Variants in JAK1 observed in about 807,000 individuals in gnomAD.
The protein encoded by JAK1 is tyrosine-protein kinase JAK1.
In JAK1, 16 loss-of-function variants were observed where a neutral mutation model predicts 136.6. That is an observed-to-expected ratio of 0.12 (90% confidence interval 0.08 to 0.18). JAK1 has a LOEUF of 0.18. Ranked by LOEUF, JAK1 falls within the 10% of genes least tolerant of loss-of-function variation. The pLI is 1.00. For synonymous variants in JAK1, 492 were observed against 519.5 expected (o/e 0.95, Z 0.72); for missense variants, 859 against 1,450.1 (o/e 0.59, Z 6.62).
intron 2 of JAK1, among the ~76,000 whole-genome samples, chr1:65,019,381 A>G (rs1003428501): frequency 6.6e-6 from 1 of 152,148 alleles, no homozygotes; most frequent in Non-Finnish European, 1.5e-5. Flanking sequence ...AGGAATACAA[A>G]ATTGGTTTAA....
At chr1:64,953,458 A>G (rs1405169010) in intron 1 of JAK1, among the ~76,000 whole-genome samples, 2 of 152,184 alleles carry the variant, frequency 1.3e-5, no homozygotes, top group Non-Finnish European at 2.9e-5. Context: ...CACATCTGGT[A>G]CGCTCAGACC....
intron 17 of JAK1, among the ~76,000 whole-genome samples, chr1:64,843,772 A>C (rs1655054200): frequency 6.6e-6 from 1 of 152,170 alleles, no homozygotes; most frequent in Non-Finnish European, 1.5e-5. Flanking sequence ...CAGATAAATA[A>C]TACTATAACA....
intron 8 of JAK1, among the ~76,000 whole-genome samples, chr1:64,861,702 G>C (rs1363624817): frequency 6.6e-6 from 1 of 152,226 alleles, no homozygotes; most frequent in Non-Finnish European, 1.5e-5. Flanking sequence ...CTCGGCAGGA[G>C]GGAGGTCAGG....
chr1:64,836,642 C>T (rs1263401543), intron 22 of JAK1, among the ~76,000 whole-genome samples: 1 of 152,056 alleles, frequency 6.6e-6, no homozygotes, highest in Non-Finnish European at 1.5e-5. Flanking sequence ...ACCCACTTGC[C>T]CAAGCCAAAA....
intron 2 of JAK1, among the ~76,000 whole-genome samples, chr1:64,989,223 G>T (rs1419029089): frequency 1.3e-5 from 2 of 150,014 alleles, no homozygotes; most frequent in Non-Finnish European, 3.0e-5. Flanking sequence ...TACTCCGGAG[G>T]CTGAGGCAGG....
chr1:65,006,219 T>C (rs1005530914), intron 2 of JAK1, among the ~76,000 whole-genome samples: 3 of 152,232 alleles, frequency 2.0e-5, no homozygotes, highest in Non-Finnish European at 4.4e-5. Flanking sequence ...TTTTGAATAG[T>C]TCACTATGTC....
upstream of JAK1, among the ~76,000 whole-genome samples, chr1:64,970,472 G>A (rs1287726016): frequency 6.6e-6 from 1 of 150,928 alleles, no homozygotes; most frequent in Non-Finnish European, 1.5e-5. Context: ...AAAGGGCCGG[G>A]TGCAGTGGTT....
chr1:64,977,081 C>G (rs1051114742), intron 2 of JAK1, among the ~76,000 whole-genome samples: 41 of 152,190 alleles, frequency 2.7e-4, no homozygotes, highest in African/African-American at 8.7e-4. Flanking sequence ...ATACAGGATA[C>G]AGATACATAG....
chr1:64,852,407 T>TC (rs1196148573), intron 11 of JAK1, among the ~76,000 whole-genome samples: 1 of 152,126 alleles, frequency 6.6e-6, no homozygotes, highest in African/African-American at 2.4e-5. Context: ...AGGGAGAGGC[T>TC]CCCCTTGTTC....
chr1:64,878,551 T>C (rs1263288667), intron 4 of JAK1, among the ~76,000 whole-genome samples: 5 of 138,880 alleles, frequency 3.6e-5, no homozygotes, highest in African/African-American at 1.3e-4. Flanking sequence ...GACCTTTATA[T>C]ATATAGTGTG....
At chr1:65,043,823 A>G (rs1647158624) in intron 2 of JAK1, among the ~76,000 whole-genome samples, 1 of 150,972 alleles carries the variant, frequency 6.6e-6, no homozygotes, top group Non-Finnish European at 1.5e-5. Flanking sequence ...CCTGGAGTCA[A>G]CAATTCTCCT....
Position 64,834,496 on chromosome 1 carries a change from G to T in JAK1, c.*66C>A. ...CTTTCATTAGAAATTTTTAAAAAAT[G>T]ACTTGGGCATTTGTTGCAGGAGAAG... On this transcript the variant is annotated 3_prime_UTR_variant, in exon 25 of 25. Coordinates refer to ENST00000342505, the MANE Select transcript of JAK1 (RefSeq NM_002227.4). 1.8e-6 allele frequency: 2 copies of T among 1,099,786 alleles called. No homozygotes were observed. The highest frequency in any genetic ancestry group is 2.7e-5 in the South Asian group (2 of 75,166). 68.1% of individuals were successfully genotyped at this position (1,099,786 alleles called of 1,614,324 possible).
chr1:64,913,826 C>T (rs1156319336), intron 1 of JAK1, among the ~76,000 whole-genome samples: 6 of 151,968 alleles, frequency 3.9e-5, no homozygotes, highest in African/African-American at 1.2e-4. Flanking sequence ...TGTCCTGGGG[C>T]TGGGATTTGC....
chr1:65,041,138 A>G (rs961848356), intron 2 of JAK1, among the ~76,000 whole-genome samples: 1 of 152,146 alleles, frequency 6.6e-6, no homozygotes, highest in Non-Finnish European at 1.5e-5. Context: ...GTGCAGGGAC[A>G]CCAGACCTCC....
chr1:65,024,504 T>C (rs1646961374), intron 2 of JAK1, among the ~76,000 whole-genome samples: 1 of 151,892 alleles, frequency 6.6e-6, no homozygotes, highest in Non-Finnish European at 1.5e-5. Context: ...TGAAATTGAA[T>C]TGAGAGAGTC....
At chr1:64,863,378 C>T (rs943332311) in intron 8 of JAK1, among the ~76,000 whole-genome samples, 22 of 151,812 alleles carry the variant, frequency 1.4e-4, no homozygotes, top group African/African-American at 5.1e-4. Flanking sequence ...CAGCATATAA[C>T]ACGGGGCCTG....
chr1:64,982,372 A>G (rs146736770), intron 2 of JAK1, among the ~76,000 whole-genome samples: 2 of 152,272 alleles, frequency 1.3e-5, no homozygotes, highest in Non-Finnish European at 2.9e-5. Flanking sequence ...CATTACCCCA[A>G]CATCACACAG....
chr1:64,898,111 G>A (rs1470797373), intron 1 of JAK1, among the ~76,000 whole-genome samples: 1 of 152,168 alleles, frequency 6.6e-6, no homozygotes, highest in African/African-American at 2.4e-5. Context: ...AAAATGAGAA[G>A]CTAGAGGTTT....
At chr1:65,052,166 T>C (rs1418972237) in intron 1 of JAK1, among the ~76,000 whole-genome samples, 1 of 145,608 alleles carries the variant, frequency 6.9e-6, no homozygotes. Flanking sequence ...ACTTTGTTGC[T>C]CAGGCTGGTC....
Sources: allele counts gnomAD v4.1 joint callset (sites outside exome capture counted in the v4.1 genomes callset), GRCh38; gene constraint gnomAD v4.1.1; transcripts MANE v1.5; gene names NCBI Gene and HGNC (gene_info 2026-07-23, HGNC 2026-07-21).